The following R3HDM1 variants were observed in gnomAD, a reference collection of about 807,000 sequenced individuals.
The protein encoded by R3HDM1 is R3H domain containing 1.
In R3HDM1, 46 loss-of-function variants were observed where a neutral mutation model predicts 141.1. The ratio of observed to expected loss-of-function variants is 0.33; its 90% confidence interval spans 0.26 to 0.42. The LOEUF is 0.42. R3HDM1 is among the 10% of genes least tolerant of loss of function. The probability of loss-of-function intolerance (pLI) is 1.00; values close to 1 mark genes in which losing one functional copy is unlikely to be tolerated. For synonymous variants in R3HDM1, 435 were observed against 472.9 expected, an observed-to-expected ratio of 0.92 and a Z score of 1.04; for missense variants, 1,184 against 1,368.3, an observed-to-expected ratio of 0.87 and a Z score of 2.12.
chr2:135,685,918 T>C lies in R3HDM1; in HGVS notation c.2459+5594T>C, dbSNP rs79959486. On this transcript the variant is annotated intron_variant, in intron 21 of 26. Coordinates refer to ENST00000683871, the MANE Select transcript of R3HDM1 (RefSeq NM_001378107.1). ...TGGAAGGAATTACATGTCTAGAACT[T>C]TGTATATGGAAACTGCAAATTTGCC... Among the ~76,000 whole-genome samples the C allele has an allele frequency of 2.9e-3, 442 of 152,234 alleles. 1 individual carries two copies. Among genetic ancestry groups the C allele is most frequent in the African/African-American group, 0.01 (417 of 41,538 alleles).
At chr2:135,572,340 A>G (rs958750654) in intron 1 of R3HDM1, among the ~76,000 whole-genome samples, 1 of 152,240 alleles carries the variant, frequency 6.6e-6, no homozygotes, top group African/African-American at 2.4e-5. Flanking sequence ...AAAGACACAT[A>G]ACCCAATTTA....
intron 1 of R3HDM1, among the ~76,000 whole-genome samples, chr2:135,532,606 A>G (rs181194812): frequency 1.4e-3 from 210 of 152,194 alleles, no homozygotes; most frequent in Admixed American, 2.3e-3. Flanking sequence ...ACCTAATTGT[A>G]ACTGTAAGAA....
chr2:135,604,452 A>T (rs1048930174), intron 2 of R3HDM1, among the ~76,000 whole-genome samples: 6 of 152,070 alleles, frequency 3.9e-5, no homozygotes, highest in African/African-American at 1.4e-4. Flanking sequence ...TTCTTTTTTT[A>T]AATGTAAAAA....
intron 1 of R3HDM1, chr2:135,583,709 G>C (rs1018014260): frequency 1.0e-6 from 1 of 975,750 alleles, no homozygotes; most frequent in African/African-American, 1.8e-5. Context: ...AATGTATTAG[G>C]AAGTATGTGA....
intron 1 of R3HDM1, among the ~76,000 whole-genome samples, chr2:135,578,581 A>G (rs1706045813): frequency 6.6e-6 from 1 of 152,244 alleles, no homozygotes; most frequent in Non-Finnish European, 1.5e-5. Context: ...GCAAGCACTA[A>G]CAGATGAACA....
intron 1 of R3HDM1, among the ~76,000 whole-genome samples, chr2:135,594,482 C>A (rs1044083147): frequency 6.6e-6 from 1 of 152,184 alleles, no homozygotes; most frequent in Non-Finnish European, 1.5e-5. Context: ...TTACAGACTT[C>A]TCCTTAGAAG....
intron 20 of R3HDM1, among the ~76,000 whole-genome samples, chr2:135,677,321 T>A (rs1270828397): frequency 6.6e-6 from 1 of 152,164 alleles, no homozygotes; most frequent in Non-Finnish European, 1.5e-5. Flanking sequence ...TCCCCCATGC[T>A]TCTGACCCCT....
At position 135,639,093 on chromosome 2, in the gene R3HDM1, G is replaced by A. The variant is rs1208198221; in HGVS notation, c.1190G>A (p.Ser397Asn). The change falls in exon 14 of 27, where the codon AGC becomes AAC. Residue 397 changes from serine to asparagine, a missense_variant. Ser to Asn is a conservative substitution (Grantham distance 46). This residue lies in a region of R3HDM1 where 240 missense variants were observed against 312.3 expected (regional missense o/e 0.77). Transcript: ENST00000683871. ...ACAAGAGGTGATAGTTCTGGAAGCA[G>A]CAAAAGCATAGGCAGGCTTTCAAAA... ...VLTRGDSSGS[S>N]KSIGRLSKTG... is the part of the protein sequence containing the mutation. The A allele has an allele frequency of 4.3e-6, 7 of 1,614,150 alleles. No individual in the cohort carries two copies. Among genetic ancestry groups the A allele is most frequent in the Non-Finnish European group, 5.1e-6 (6 of 1,180,006 alleles).
chr2:135,583,260 A>T (rs1238646508), intron 1 of R3HDM1, among the ~76,000 whole-genome samples: 2 of 152,164 alleles, frequency 1.3e-5, no homozygotes, highest in East Asian at 3.8e-4. Flanking sequence ...TTTCAGCATT[A>T]AAGCTAGCTC....
At position 135,561,151 on chromosome 2, in the gene R3HDM1, G is replaced by A. The variant is rs146130448; in HGVS notation, c.-250+29518G>A. ...TGATCTCATCTAACTGTCTGACTCC[G>A]TCAGATTTCTAAAGAATGCTTCTGA... On this transcript the variant is annotated intron_variant, in intron 1 of 26. Transcript: ENST00000683871. The A allele has an allele frequency of 1.7e-3, 422 of 251,716 alleles. 1 individual carries two copies. The highest frequency in any genetic ancestry group is 8.7e-3 in the African/African-American group (378 of 43,278). The allele number at this position is 251,716 out of a possible 1,614,324, so 15.6% of individuals were successfully genotyped here.
rs750644109 is a variant in R3HDM1, at chr2:135,724,154, C to A, written c.3267C>A (p.Thr1089=). ...SKPSDLASTY[T]VLATFPSISA... ...CCAGTGACTTGGCCTCCACCTACAC[C>A]GTCTTAGCCACATTCCCCTCCATTT... The change falls in exon 27 of 27, where the codon ACC becomes ACA. Residue 1089 remains threonine (T), a synonymous_variant. Coordinates refer to ENST00000683871, the MANE Select transcript of R3HDM1 (RefSeq NM_001378107.1). The A allele has an allele frequency of 6.2e-7, 1 of 1,613,960 alleles. No individual in the cohort carries two copies. The highest frequency in any genetic ancestry group is 1.7e-5 in the Admixed American group (1 of 60,020).
At chr2:135,620,188 A>G (rs1030074278) in intron 5 of R3HDM1, 2 of 490,922 alleles carry the variant, frequency 4.1e-6, no homozygotes, top group African/African-American at 4.2e-5. Context: ...AAGAGGAGGT[A>G]GTGTGAAATC....
intron 3 of R3HDM1, chr2:135,607,817 C>T: frequency 3.1e-6 from 3 of 975,706 alleles, no homozygotes; most frequent in Non-Finnish European, 2.4e-6. Context: ...AAATTTCCCA[C>T]ATTACCCAAA....
At chr2:135,638,818 T>C (rs758509210) in intron 13 of R3HDM1, 29 bp downstream of exon 13, 5 of 1,613,240 alleles carry the variant, frequency 3.1e-6, no homozygotes, top group Admixed American at 1.7e-5. Flanking sequence ...CAATACAGTA[T>C]TGAAAAATTA....
intron 1 of R3HDM1, among the ~76,000 whole-genome samples, chr2:135,585,698 C>T (rs1012716870): frequency 2.0e-5 from 3 of 152,180 alleles, no homozygotes; most frequent in African/African-American, 7.2e-5. Flanking sequence ...TCCTTTTCTT[C>T]TAAGTCCGCC....
At chr2:135,571,514 C>T (rs950437737) in intron 1 of R3HDM1, among the ~76,000 whole-genome samples, 3 of 151,816 alleles carry the variant, frequency 2.0e-5, no homozygotes, top group Admixed American at 6.6e-5. Flanking sequence ...TTAGTAGAGA[C>T]CAGGTTTCAC....
At chr2:135,684,131 C>T (rs1268683770) in intron 21 of R3HDM1, among the ~76,000 whole-genome samples, 6 of 152,116 alleles carry the variant, frequency 3.9e-5, no homozygotes, top group Admixed American at 3.9e-4. Flanking sequence ...CACTCTGTCG[C>T]CCAGGCTGGA....
chr2:135,562,529 T>C (rs112838074), intron 1 of R3HDM1, among the ~76,000 whole-genome samples: 1 of 152,220 alleles, frequency 6.6e-6, no homozygotes, highest in Non-Finnish European at 1.5e-5. Context: ...TCAGATATAC[T>C]AAGCCATAAG....
rs534814734 is a variant in R3HDM1, at chr2:135,538,923, T to G, written c.-250+7290T>G. Among the ~76,000 whole-genome samples, 4 of 91,622 alleles carry G rather than the reference T, an allele frequency of 4.4e-5. No homozygotes were observed. In the African/African-American group the frequency reaches 5.8e-4, roughly 13 times the overall value. 60.1% of individuals were successfully genotyped at this position (91,622 alleles called of 152,430 possible). On this transcript the variant is annotated intron_variant, in intron 1 of 26. Transcript: ENST00000683871. ...GCCACCACGCCTGGCTTAAAAGTTT[T>G]TGTTGTTGTTGTTGTTGTTGTTGTT...
Sources: gnomAD v4.1 joint callset for allele counts (sites outside exome capture counted in the v4.1 genomes callset) on GRCh38, gnomAD v4.1.1 for gene constraint, gnomAD v4.1.1 regional missense constraint, MANE v1.5 for transcripts, NCBI Gene and HGNC (gene_info 2026-07-23, HGNC 2026-07-21) for gene names.